Variants in DNAH6 observed in about 807,000 individuals in gnomAD.
DNAH6 encodes the protein axonemal beta dynein heavy chain 6.
In DNAH6, 340 loss-of-function variants were observed where a neutral mutation model predicts 491.4. The observed-to-expected ratio is 0.69, with a 90% confidence interval of 0.63 to 0.76. The LOEUF (loss-of-function observed/expected upper bound fraction) is 0.76, where lower values mean the gene tolerates loss of function less well. Ranked by LOEUF, DNAH6 falls within the 30% of genes least tolerant of loss-of-function variation. DNAH6 has a pLI of 0.00. For missense variants in DNAH6, 4,443 were observed against 4,972.2 expected, an observed-to-expected ratio of 0.89 and a Z score of 3.20; for synonymous variants, 1,603 against 1,686.1, an observed-to-expected ratio of 0.95 and a Z score of 1.21.
At chr2:84,805,492 TTTG>T (rs1679330623) in intron 70 of DNAH6, among the ~76,000 whole-genome samples, 170 bp from the exon 71 acceptor site, 1 of 152,210 alleles carries the variant, frequency 6.6e-6, no homozygotes, top group Non-Finnish European at 1.5e-5. Context: ...ACTGTCTTAA[TTTG>T]TTAAGAGGGT....
At chr2:84,496,013 G>A in the DNAH6 span, among the ~76,000 whole-genome samples, 2 of 152,090 alleles carry the variant, frequency 1.3e-5, no homozygotes, top group African/African-American at 2.4e-5. Context: ...ATTATATGAC[G>A]CCTCTCCCAC....
intron 45 of DNAH6, among the ~76,000 whole-genome samples, chr2:84,690,878 T>A (rs1312980546): frequency 1.3e-5 from 2 of 152,252 alleles, no homozygotes; most frequent in African/African-American, 4.8e-5. Context: ...ACATTTCCAT[T>A]TGCTGGTGAC....
In DNAH6 at chr2:84,745,888, T is replaced by G. The variant is rs139706820; in HGVS notation, c.10512+639T>G. On this transcript the variant is annotated intron_variant, in intron 63 of 76. Transcript: ENST00000389394. ...TCTTGACAACAATGGAGAGGAGACA[T>G]TTGAAGGGTACAAAGCCATAGTTAC... is the stretch of plus-strand genomic sequence containing the variant. 7.3e-3 allele frequency among the ~76,000 whole-genome samples: 1,108 copies of G among 152,014 alleles called. 13 individuals are homozygous for G. The highest frequency in any genetic ancestry group is 0.025 in the African/African-American group (1,024 of 41,458).
intron 63 of DNAH6, among the ~76,000 whole-genome samples, chr2:84,756,118 C>T (rs1040490547): frequency 4.6e-5 from 7 of 152,228 alleles, no homozygotes; most frequent in Admixed American, 6.5e-5. Flanking sequence ...TTATCAGCAG[C>T]GTGAAAATGG....
chr2:84,468,198 TTTTA>T, the DNAH6 span, among the ~76,000 whole-genome samples: 3 of 152,368 alleles, frequency 2.0e-5, no homozygotes. Context: ...AAGTGCTTAT[TTTTA>T]TTTAAGGCAA....
intron 63 of DNAH6, among the ~76,000 whole-genome samples, chr2:84,748,155 A>G (rs1205922833): frequency 6.6e-6 from 1 of 152,176 alleles, no homozygotes; most frequent in African/African-American, 2.4e-5. Context: ...CCATTTAGTC[A>G]TGCTAATCTC....
chr2:84,662,017 T>G (rs961814881), intron 37 of DNAH6, among the ~76,000 whole-genome samples: 1 of 152,100 alleles, frequency 6.6e-6, no homozygotes, highest in Non-Finnish European at 1.5e-5. Flanking sequence ...TATATTTTAA[T>G]CTAGGGTGGT....
At chr2:84,586,098 T>C (rs1183437685) in intron 15 of DNAH6, among the ~76,000 whole-genome samples, 1 of 152,166 alleles carries the variant, frequency 6.6e-6, no homozygotes, top group Admixed American at 6.5e-5. Context: ...TTCTCTCCCT[T>C]CCAAGATCAG....
intron 35 of DNAH6, among the ~76,000 whole-genome samples, chr2:84,655,440 A>G (rs542601536): frequency 6.6e-6 from 1 of 152,072 alleles, no homozygotes; most frequent in Non-Finnish European, 1.5e-5. Context: ...GTCCTTTGAG[A>G]TGTTTCCCCC....
In DNAH6 at chr2:84,610,689, A is replaced by T. The variant is rs557794992; in HGVS notation, c.3295-985A>T. 5.3e-5 allele frequency among the ~76,000 whole-genome samples: 8 copies of T among 152,342 alleles called. No homozygotes were observed. In the East Asian group the frequency reaches 1.5e-3, roughly 29 times the overall value. ...TTACATTTCTAGACATGCTAATATG[A>T]TAAGTTATCTATGAAATAATACAGG... On this transcript the variant is annotated intron_variant, in intron 21 of 76. Coordinates refer to ENST00000389394, the MANE Select transcript of DNAH6 (RefSeq NM_001370.2).
At chr2:84,664,814 C>T (rs181570970) in intron 37 of DNAH6, among the ~76,000 whole-genome samples, 16 of 152,132 alleles carry the variant, frequency 1.1e-4, no homozygotes, top group East Asian at 1.9e-4. Flanking sequence ...AGCACCACAT[C>T]GCACTTATTC....
At chr2:84,734,250 C>T (rs1231512447) in intron 62 of DNAH6, among the ~76,000 whole-genome samples, 2 of 150,112 alleles carry the variant, frequency 1.3e-5, no homozygotes, top group African/African-American at 2.5e-5. Flanking sequence ...GGTTCATTCT[C>T]TGGCCTCAGC....
Position 84,604,643 on chromosome 2 carries a change from G to A in DNAH6, c.3081+92G>A, listed in dbSNP as rs7570369. The A allele has an allele frequency of 0.89, 820,409 of 918,382 alleles. 371,934 individuals are homozygous for A. The highest frequency in any genetic ancestry group is 0.98 in the East Asian group (36,899 of 37,706). 56.9% of individuals were successfully genotyped at this position (918,382 alleles called of 1,614,324 possible). A position where few individuals can be genotyped will look rare whatever the true frequency, so the allele number is the denominator to read the frequency against. On this transcript the variant is annotated intron_variant, in intron 19 of 76. Coordinates refer to ENST00000389394, the MANE Select transcript of DNAH6 (RefSeq NM_001370.2). ...TGGTGATCTGGATGTTTTTTTCAAC[G>A]TTGCAGCTTTCACTCTCTCATTATC...
At chr2:84,812,557 G>C (rs1206145735) in intron 73 of DNAH6, 31 bp downstream of exon 73, 4 of 1,533,080 alleles carry the variant, frequency 2.6e-6, no homozygotes, top group Non-Finnish European at 3.5e-6. Context: ...GGGTTTTGAT[G>C]AATCTGATGG....
the DNAH6 span, among the ~76,000 whole-genome samples, chr2:84,494,609 C>T: frequency 9.9e-5 from 15 of 152,154 alleles, no homozygotes; most frequent in Middle Eastern, 0.01. Flanking sequence ...GAAAAAAACA[C>T]GGGGACAGTT....
At chr2:84,706,554 A>T (rs1423702541) in intron 52 of DNAH6, among the ~76,000 whole-genome samples, 1 of 152,240 alleles carries the variant, frequency 6.6e-6, no homozygotes, top group East Asian at 1.9e-4. Context: ...AGAACTAGTT[A>T]GGAAATATTA....
chr2:84,762,957 T>A lies in DNAH6; in HGVS notation c.10703+12T>A. 3.9e-6 allele frequency: 6 copies of A among 1,547,170 alleles called. No homozygotes were observed. Among genetic ancestry groups the A allele is most frequent in the Non-Finnish European group, 4.4e-6 (5 of 1,143,450 alleles). On this transcript the variant is annotated intron_variant, in intron 64 of 76. Coordinates refer to ENST00000389394, the MANE Select transcript of DNAH6 (RefSeq NM_001370.2). ...GGATATTCAGAACGGTAAGTTCATG[T>A]TGTGCAGTTTTAATAATGCAAATGC...
chr2:84,817,581 A>C (rs1482215189), intron 76 of DNAH6, among the ~76,000 whole-genome samples: 2 of 152,140 alleles, frequency 1.3e-5, no homozygotes, highest in Admixed American at 6.5e-5. Context: ...CAGCCTGGGC[A>C]ACATAGTGAA....
At chr2:84,468,270 A>G in the DNAH6 span, among the ~76,000 whole-genome samples, 1 of 152,222 alleles carries the variant, frequency 6.6e-6, no homozygotes, top group East Asian at 1.9e-4. Flanking sequence ...CTACACACAA[A>G]GACAGAAGAA....
Sources: allele counts gnomAD v4.1 joint callset (sites outside exome capture counted in the v4.1 genomes callset), GRCh38; gene constraint gnomAD v4.1.1; transcripts MANE v1.5; gene names NCBI Gene and HGNC (gene_info 2026-07-23, HGNC 2026-07-21).